TSPAN14: variants seen among roughly 807,000 people sequenced by gnomAD.
The protein encoded by TSPAN14 is tetraspanin 14.
TSPAN14 carries 16 observed loss-of-function variants against 36.6 expected under a neutral mutation model. The observed-to-expected ratio is 0.44, with a 90% CI of 0.30 to 0.66. TSPAN14 has a LOEUF of 0.66. Among genes scored for constraint, TSPAN14 ranks in the 30% least tolerant of loss-of-function variants. TSPAN14 has a pLI of 0.12. For missense variants in TSPAN14, 231 were observed against 355.1 expected (o/e 0.65, Z 2.81); for synonymous variants, 139 against 143.8 (o/e 0.97, Z 0.24).
At chr10:80,512,380 C>A in intron 6 of TSPAN14, 111 bp downstream of exon 6, 1 of 1,454,870 alleles carries the variant, frequency 6.9e-7, no homozygotes, top group Non-Finnish European at 9.2e-7. Context: ...GTCTGAGGAG[C>A]AGGTGTGCTT....
chr10:80,485,009 A>C (rs922583058), intron 1 of TSPAN14, among the ~76,000 whole-genome samples: 1 of 152,224 alleles, frequency 6.6e-6, no homozygotes, highest in African/African-American at 2.4e-5. Flanking sequence ...TTTGATAAAC[A>C]TGTGCCTCCT....
intron 1 of TSPAN14, among the ~76,000 whole-genome samples, chr10:80,486,767 C>T (rs930144465): frequency 6.6e-6 from 1 of 152,174 alleles, no homozygotes; most frequent in African/African-American, 2.4e-5. Flanking sequence ...ATTTTTCTGC[C>T]TCATAAGGCA....
At chr10:80,503,854 G>A (rs1840129015) in intron 2 of TSPAN14, among the ~76,000 whole-genome samples, 1 of 152,094 alleles carries the variant, frequency 6.6e-6, no homozygotes, top group Admixed American at 6.5e-5. Flanking sequence ...GCAGTGAAAT[G>A]CCAGTGTGGT....
chr10:80,512,328 C>T, intron 6 of TSPAN14, 59 bp downstream of exon 6: 1 of 1,599,966 alleles, frequency 6.3e-7, no homozygotes, highest in Non-Finnish European at 8.5e-7. Context: ...CAGAAGCTTT[C>T]CTGACTCCTC....
chr10:80,459,208 T>C (rs12220642), intron 1 of TSPAN14: 88,383 of 150,662 alleles, frequency 0.59, 25,961 homozygotes, highest in East Asian at 0.86. Flanking sequence ...CCTCCGCCCT[T>C]GGGCTTGGTG....
intron 2 of TSPAN14, 49 bp from the exon 3 acceptor site, chr10:80,504,679 T>C (rs763400974): frequency 1.1e-5 from 18 of 1,611,204 alleles, no homozygotes; most frequent in Admixed American, 1.7e-5. Context: ...ATGTTCACAG[T>C]GCTGGTTTCC....
At chr10:80,461,599 G>T (rs1298600685) in intron 1 of TSPAN14, among the ~76,000 whole-genome samples, 1 of 152,134 alleles carries the variant, frequency 6.6e-6, no homozygotes, top group Non-Finnish European at 1.5e-5. Context: ...TGCCCAGGAT[G>T]GGGTGGGGCG....
At chr10:80,485,743 G>T in intron 1 of TSPAN14, 1 of 947,078 alleles carries the variant, frequency 1.1e-6, no homozygotes, top group Non-Finnish European at 1.3e-6. Context: ...TGGGTGGCAG[G>T]GGTGGGAAAG....
At chr10:80,508,823 C>T (rs561167944) in intron 4 of TSPAN14, among the ~76,000 whole-genome samples, 25 of 152,204 alleles carry the variant, frequency 1.6e-4, no homozygotes, top group Non-Finnish European at 3.1e-4. Flanking sequence ...CGTAGGCACT[C>T]GATGGTTTTG....
At chr10:80,469,803 T>TG (rs1300787701) in intron 1 of TSPAN14, among the ~76,000 whole-genome samples, 6 of 152,130 alleles carry the variant, frequency 3.9e-5, no homozygotes, top group Non-Finnish European at 7.4e-5. Flanking sequence ...TCCCCCAGGC[T>TG]GGGGGAGCCA....
intron 1 of TSPAN14, among the ~76,000 whole-genome samples, chr10:80,466,910 A>T (rs1468144730): frequency 6.6e-6 from 1 of 152,250 alleles, no homozygotes; most frequent in Non-Finnish European, 1.5e-5. Context: ...AAACGGGCTT[A>T]CAGGTCATAG....
intron 1 of TSPAN14, among the ~76,000 whole-genome samples, chr10:80,477,771 A>G (rs1445662224): frequency 6.6e-6 from 1 of 152,162 alleles, no homozygotes. Context: ...AGGAGCCTCC[A>G]GGTATTCTTG....
chr10:80,471,949 G>A (rs887471975), intron 1 of TSPAN14, among the ~76,000 whole-genome samples: 7 of 152,204 alleles, frequency 4.6e-5, no homozygotes, highest in African/African-American at 1.7e-4. Flanking sequence ...GCCCGAGGCA[G>A]TAGGATGGCT....
intron 1 of TSPAN14, among the ~76,000 whole-genome samples, chr10:80,460,825 T>A (rs1011109947): frequency 2.0e-5 from 3 of 152,198 alleles, no homozygotes; most frequent in Non-Finnish European, 4.4e-5. Context: ...GCTGAGCTCC[T>A]GCTGCAATTT....
At chr10:80,498,969 T>G (rs777138742) in intron 2 of TSPAN14, among the ~76,000 whole-genome samples, 1 of 152,184 alleles carries the variant, frequency 6.6e-6, no homozygotes, top group Non-Finnish European at 1.5e-5. Context: ...GTGTGGATTG[T>G]GCAAGACCCG....
intron 1 of TSPAN14, among the ~76,000 whole-genome samples, chr10:80,481,004 C>G (rs4933402): frequency 0.4 from 60,766 of 151,956 alleles, 13,644 homozygotes; most frequent in East Asian, 0.83. Context: ...ACTCCAGAGG[C>G]TGAGGCAGGA....
chr10:80,470,773 C>G (rs1270879488), intron 1 of TSPAN14, among the ~76,000 whole-genome samples: 1 of 152,206 alleles, frequency 6.6e-6, no homozygotes, highest in East Asian at 1.9e-4. Context: ...AGGAGTGGCT[C>G]CCACCCCAAT....
rs111864164 is a variant in TSPAN14, at chr10:80,489,367, T to A, written c.81+53T>A. ...CTTGTTTAGTCCTTCATTCAGTAAA[T>A]TATGGTTTTCCACACACTCTTGATT... On this transcript the variant is annotated intron_variant, in intron 2 of 8. Coordinates refer to ENST00000429989, the Ensembl canonical transcript of TSPAN14. 76 of 1,262,796 alleles carry A rather than the reference T, an allele frequency of 6.0e-5. 1 individual carries two copies. In the African/African-American group the frequency reaches 8.3e-4, roughly 14 times the overall value. 78.2% of individuals were successfully genotyped at this position (1,262,796 alleles called of 1,614,324 possible).
intron 1 of TSPAN14, among the ~76,000 whole-genome samples, chr10:80,462,922 C>T (rs529813580): frequency 1.1e-3 from 168 of 152,236 alleles, no homozygotes; most frequent in African/African-American, 3.9e-3. Flanking sequence ...CTGTGGATGC[C>T]CGGGATGCCT....
Sources: gnomAD v4.1 joint callset for allele counts (sites outside exome capture counted in the v4.1 genomes callset) on GRCh38, gnomAD v4.1.1 for gene constraint, MANE v1.5 for transcripts, NCBI Gene and HGNC (gene_info 2026-07-23, HGNC 2026-07-21) for gene names.